The following OR3A2 variants were observed in gnomAD, a reference collection of about 807,000 sequenced individuals.
The protein encoded by OR3A2 is olfactory receptor family 3 subfamily A member 2.
For synonymous variants in OR3A2, 126 were observed against 159.3 expected, an observed-to-expected ratio of 0.79 and a Z score of 1.57; for missense variants, 318 against 392.8, an observed-to-expected ratio of 0.81 and a Z score of 1.61.
At chr17:3,362,101 A>C (rs1217263043) in intron 2 of OR3A2, among the ~76,000 whole-genome samples, 3 of 151,514 alleles carry the variant, frequency 2.0e-5, no homozygotes, top group Non-Finnish European at 4.4e-5. Context: ...AGAGCCTGTT[A>C]TTGGTCTATT....
chr17:3,347,880 A>G (rs1453432276), intron 2 of OR3A2, among the ~76,000 whole-genome samples: 5 of 152,076 alleles, frequency 3.3e-5, no homozygotes, highest in Non-Finnish European at 7.4e-5. Context: ...AAGTGTTCCT[A>G]TTTCTCCACA....
At chr17:3,350,280 T>C (rs1366918562) in intron 2 of OR3A2, among the ~76,000 whole-genome samples, 5 of 151,986 alleles carry the variant, frequency 3.3e-5, no homozygotes, top group Admixed American at 6.6e-5. Context: ...ATTGATAGCC[T>C]GCTAGCAAGA....
At chr17:3,291,775 G>GGA (rs2048870286) in intron 3 of OR3A2, 1 of 1,613,682 alleles carries the variant, frequency 6.2e-7, no homozygotes, top group African/African-American at 1.3e-5. Flanking sequence ...TTGTCTGAAA[G>GGA]CTTGGTTGAA....
At chr17:3,303,904 T>C (rs1390265638) in intron 3 of OR3A2, among the ~76,000 whole-genome samples, 1 of 131,824 alleles carries the variant, frequency 7.6e-6, no homozygotes, top group African/African-American at 2.7e-5. Flanking sequence ...AATAAATAAA[T>C]AGATATAGAT....
chr17:3,373,338 ATTGT>A (rs1430058862), intron 2 of OR3A2, among the ~76,000 whole-genome samples: 1 of 152,144 alleles, frequency 6.6e-6, no homozygotes, highest in East Asian at 1.9e-4. Context: ...GTTTAAGTCC[ATTGT>A]TTCTTTGTTG....
At chr17:3,281,235 A>AC in intron 1 of OR3A2, among the ~76,000 whole-genome samples, 1 of 137,398 alleles carries the variant, frequency 7.3e-6, no homozygotes, top group African/African-American at 2.7e-5. Context: ...AGGCATCAGG[A>AC]TTTTTTTTTT....
chr17:3,384,252 T>G (rs1473257861), intron 1 of OR3A2, among the ~76,000 whole-genome samples: 1 of 152,178 alleles, frequency 6.6e-6, no homozygotes, highest in Non-Finnish European at 1.5e-5. Flanking sequence ...AGAGATTAAA[T>G]GGGGGACAAA....
intron 2 of OR3A2, among the ~76,000 whole-genome samples, chr17:3,341,949 G>A (rs906501380): frequency 1.3e-5 from 2 of 152,172 alleles, no homozygotes; most frequent in South Asian, 2.1e-4. Context: ...ATTTCTTGAA[G>A]GCTTTGTTCG....
intron 3 of OR3A2, among the ~76,000 whole-genome samples, chr17:3,324,074 T>G (rs556912839): frequency 6.6e-6 from 1 of 152,210 alleles, no homozygotes; most frequent in African/African-American, 2.4e-5. Context: ...TTCTTTTTTC[T>G]CTAAACTTCT....
intron 2 of OR3A2, among the ~76,000 whole-genome samples, chr17:3,346,850 G>A (rs915308060): frequency 1.3e-5 from 2 of 152,112 alleles, no homozygotes; most frequent in Admixed American, 1.3e-4. Context: ...TTCCATCCAT[G>A]TTTTTGCAAA....
chr17:3,322,942 G>A (rs9886461), intron 3 of OR3A2, among the ~76,000 whole-genome samples: 1 of 152,016 alleles, frequency 6.6e-6, no homozygotes, highest in South Asian at 2.1e-4. Flanking sequence ...ACTTTGTCTC[G>A]TTGATCTGTC....
At chr17:3,340,431 T>C (rs2049307331) in intron 2 of OR3A2, among the ~76,000 whole-genome samples, 1 of 152,224 alleles carries the variant, frequency 6.6e-6, no homozygotes, top group African/African-American at 2.4e-5. Flanking sequence ...CTTTACACAC[T>C]GCTTTAAATG....
At position 3,375,139 on chromosome 17, in the gene OR3A2, C is replaced by CTTTTTTTTTTTTTTTT. The variant is rs552615698; in HGVS notation, c.-179+8649_-179+8664dup. Among the ~76,000 whole-genome samples the CTTTTTTTTTTTTTTTT allele has an allele frequency of 8.0e-4, 23 of 28,720 alleles. 5 individuals are homozygous for CTTTTTTTTTTTTTTTT. Among genetic ancestry groups the CTTTTTTTTTTTTTTTT allele is most frequent in the Non-Finnish European group, 7.4e-4 (11 of 14,860 alleles). 18.8% of individuals were successfully genotyped at this position (28,720 alleles called of 152,430 possible). A position where few individuals can be genotyped will look rare whatever the true frequency, so the allele number is the denominator to read the frequency against. ...TATCTGGCAATTCAGAGCCTTCTTCCTTTTTTTTTTTTTTTTTTTTTTTTT... is the reference window on the plus strand; with the variant it reads ...TATCTGGCAATTCAGAGCCTTCTTCCTTTTTTTTTTTTTTTTTTTTTTTTTTTTTTTTTTTTTTTTT... On this transcript the variant is annotated intron_variant, in intron 2 of 4. Coordinates refer to the OR3A2 transcript ENST00000573491.
chr17:3,375,686 T>A (rs1251427556), intron 2 of OR3A2, among the ~76,000 whole-genome samples: 1 of 152,202 alleles, frequency 6.6e-6, no homozygotes, highest in Non-Finnish European at 1.5e-5. Flanking sequence ...TTTGCTATAT[T>A]ACCAGAATTA....
intron 2 of OR3A2, among the ~76,000 whole-genome samples, chr17:3,339,864 T>C (rs899203452): frequency 2.6e-5 from 4 of 152,232 alleles, no homozygotes; most frequent in African/African-American, 9.6e-5. Context: ...CTCCTCTTTG[T>C]ACTTCGGGTA....
At chr17:3,342,159 A>G (rs1036357889) in intron 2 of OR3A2, among the ~76,000 whole-genome samples, 4 of 152,052 alleles carry the variant, frequency 2.6e-5, no homozygotes, top group African/African-American at 9.7e-5. Context: ...CTAGTTAGCC[A>G]TTTGTCTAAT....
intron 2 of OR3A2, among the ~76,000 whole-genome samples, chr17:3,337,374 A>G (rs981330980): frequency 2.6e-5 from 4 of 152,146 alleles, no homozygotes; most frequent in African/African-American, 4.8e-5. Context: ...TGCTGCACCC[A>G]TTAACTCATC....
chr17:3,372,854 G>A (rs1406056451), intron 2 of OR3A2, among the ~76,000 whole-genome samples: 3 of 21,820 alleles, frequency 1.4e-4, no homozygotes, highest in Admixed American at 2.9e-4. Context: ...AGAAGGAGAG[G>A]GAGAGGGAGA....
intron 3 of OR3A2, among the ~76,000 whole-genome samples, chr17:3,320,005 G>C (rs1208753327): frequency 1.3e-5 from 2 of 151,992 alleles, no homozygotes; most frequent in Admixed American, 1.3e-4. Context: ...CAGTGTAAAA[G>C]TGTTCCTATT....
Sources: allele counts gnomAD v4.1 joint callset (sites outside exome capture counted in the v4.1 genomes callset), GRCh38; gene constraint gnomAD v4.1.1; transcripts MANE v1.5; gene names NCBI Gene and HGNC (gene_info 2026-07-23, HGNC 2026-07-21).